PLCB1: variants seen among roughly 807,000 people sequenced by gnomAD.
PLCB1 encodes the protein phospholipase C beta 1.
Under a neutral mutation model 161.8 loss-of-function variants are expected in PLCB1, and 46 were observed. The ratio of observed to expected loss-of-function variants is 0.28; its 90% CI spans 0.22 to 0.36. PLCB1 has a LOEUF of 0.36. Among genes scored for constraint, PLCB1 ranks in the 10% least tolerant of loss-of-function variants. The probability of loss-of-function intolerance (pLI) is 1.00; values close to 1 mark genes in which losing one functional copy is unlikely to be tolerated. For synonymous variants in PLCB1, 517 were observed against 503.7 expected, an observed-to-expected ratio of 1.03 and a Z score of -0.35; for missense variants, 1,016 against 1,472.5, an observed-to-expected ratio of 0.69 and a Z score of 5.07.
intron 2 of PLCB1, among the ~76,000 whole-genome samples, chr20:8,297,067 TACAC>T (rs562366969): frequency 6.6e-6 from 1 of 151,934 alleles, no homozygotes; most frequent in African/African-American, 2.4e-5. Context: ...AACACATGCA[TACAC>T]ACACACCTAT....
At chr20:8,818,964 C>A (rs1985207703) in intron 31 of PLCB1, among the ~76,000 whole-genome samples, 1 of 150,290 alleles carries the variant, frequency 6.7e-6, no homozygotes, top group Non-Finnish European at 1.5e-5. Flanking sequence ...AAAAAAAGTT[C>A]TCCCAAATTG....
At chr20:8,736,517 C>A (rs1311650056) in intron 19 of PLCB1, among the ~76,000 whole-genome samples, 1 of 152,136 alleles carries the variant, frequency 6.6e-6, no homozygotes, top group African/African-American at 2.4e-5. Context: ...TGTGTTTGTC[C>A]ATTTTCACAC....
chr20:8,231,691 T>A (rs1471823940), intron 2 of PLCB1, among the ~76,000 whole-genome samples: 1 of 149,564 alleles, frequency 6.7e-6, no homozygotes, highest in Non-Finnish European at 1.5e-5. Context: ...CAAGTCTAAT[T>A]CTATTTCATG....
intron 2 of PLCB1, among the ~76,000 whole-genome samples, chr20:8,344,372 T>G (rs1206483155): frequency 1.3e-5 from 2 of 152,340 alleles, no homozygotes; most frequent in East Asian, 3.9e-4. Context: ...TGCACACAAG[T>G]ACAAAAGGGA....
chr20:8,765,075 C>G, intron 25 of PLCB1, 64 bp from the exon 26 acceptor site: 2 of 1,286,500 alleles, frequency 1.6e-6, no homozygotes, highest in Non-Finnish European at 2.2e-6. Context: ...AAGGTAGCCG[C>G]TCTTCTTTCC....
intron 2 of PLCB1, among the ~76,000 whole-genome samples, chr20:8,173,668 A>G (rs1301711337): frequency 6.6e-6 from 1 of 152,234 alleles, no homozygotes; most frequent in African/African-American, 2.4e-5. Flanking sequence ...CAACCTCAAG[A>G]TGGATCAGAT....
At chr20:8,760,286 A>G (rs1338884953) in intron 24 of PLCB1, 121 bp from the exon 25 acceptor site, 1 of 594,144 alleles carries the variant, frequency 1.7e-6, no homozygotes, top group Non-Finnish European at 3.0e-6. Flanking sequence ...ATTTTCTCAC[A>G]CAATTTGTCA....
chr20:8,409,802 A>G (rs1978962488), intron 3 of PLCB1, among the ~76,000 whole-genome samples: 1 of 152,110 alleles, frequency 6.6e-6, no homozygotes, highest in Non-Finnish European at 1.5e-5. Flanking sequence ...CAATAATAGG[A>G]GACAATAAAC....
chr20:8,424,340 C>T (rs1251396411), intron 3 of PLCB1, among the ~76,000 whole-genome samples: 1 of 152,166 alleles, frequency 6.6e-6, no homozygotes, highest in Non-Finnish European at 1.5e-5. Flanking sequence ...CATATCTTTA[C>T]ATTTGAAAGG....
intron 31 of PLCB1, among the ~76,000 whole-genome samples, chr20:8,793,325 C>G (rs150381056): frequency 3.3e-5 from 5 of 152,246 alleles, no homozygotes; most frequent in African/African-American, 1.2e-4. Context: ...AAGAAGAAAC[C>G]ATGCCAAACT....
chr20:8,146,105 G>GTTTTTTTT (rs58227641), intron 1 of PLCB1, among the ~76,000 whole-genome samples: 1 of 141,752 alleles, frequency 7.1e-6, no homozygotes, highest in Non-Finnish European at 1.6e-5. Flanking sequence ...TGTTTTTTTT[G>GTTTTTTTT]TTTTTTTTTT....
intron 31 of PLCB1, among the ~76,000 whole-genome samples, chr20:8,821,534 T>A (rs1222864221): frequency 1.0e-5 from 1 of 100,150 alleles, no homozygotes; most frequent in African/African-American, 6.8e-5. Context: ...TATATATATA[T>A]ATATATATAT....
At chr20:8,361,586 A>G (rs190621851) in intron 2 of PLCB1, among the ~76,000 whole-genome samples, 98 of 152,302 alleles carry the variant, frequency 6.4e-4, no homozygotes, top group African/African-American at 2.3e-3. Flanking sequence ...AAAGGACCAC[A>G]CTTGGAGAAC....
intron 2 of PLCB1, among the ~76,000 whole-genome samples, chr20:8,335,318 A>G (rs1985531034): frequency 6.6e-6 from 1 of 152,164 alleles, no homozygotes; most frequent in Non-Finnish European, 1.5e-5. Context: ...AGCTGTCACA[A>G]CCATTCACGA....
At chr20:8,778,502 A>G (rs1983053425) in intron 27 of PLCB1, among the ~76,000 whole-genome samples, 1 of 152,138 alleles carries the variant, frequency 6.6e-6, no homozygotes, top group Non-Finnish European at 1.5e-5. Context: ...GGAGCTAGGG[A>G]GGTGGTAGAA....
At chr20:8,194,435 G>C (rs1415850257) in intron 2 of PLCB1, among the ~76,000 whole-genome samples, 1 of 151,962 alleles carries the variant, frequency 6.6e-6, no homozygotes, top group Non-Finnish European at 1.5e-5. Flanking sequence ...GTGTACAGCT[G>C]AATTTTTAAT....
intron 3 of PLCB1, among the ~76,000 whole-genome samples, chr20:8,546,905 T>G (rs1025601399): frequency 6.6e-6 from 1 of 152,188 alleles, no homozygotes; most frequent in Non-Finnish European, 1.5e-5. Context: ...CTTCTGGCAA[T>G]GACTTTGCCT....
chr20:8,416,637 TGAG>T (rs1031463707), intron 3 of PLCB1, among the ~76,000 whole-genome samples: 2 of 152,054 alleles, frequency 1.3e-5, no homozygotes, highest in Admixed American at 6.6e-5. Flanking sequence ...CTGTAGATAT[TGAG>T]GAGGAGGTAT....
rs949249255 is a variant in PLCB1, at chr20:8,859,608, A to C, written c.3424-22014A>C. ...TTTAACTTCAGTCTTCTAGTAATTC[A>C]AGAAAGCTGGCTATTTTTTCAATCT... is the stretch of plus-strand genomic sequence containing the variant. On this transcript the variant is annotated intron_variant, in intron 31 of 31. Transcript: ENST00000338037. 2.6e-5 allele frequency among the ~76,000 whole-genome samples: 4 copies of C among 152,218 alleles called. No individual in the cohort carries two copies. The East Asian group carries it at 5.8e-4, about 22-fold the overall frequency.
Sources: gnomAD v4.1 joint callset for allele counts (sites outside exome capture counted in the v4.1 genomes callset) on GRCh38, gnomAD v4.1.1 for gene constraint, MANE v1.5 for transcripts, NCBI Gene and HGNC (gene_info 2026-07-23, HGNC 2026-07-21) for gene names.